Variants in CDH10 observed in about 807,000 individuals in gnomAD.
CDH10 encodes the protein cadherin-10.
Under a neutral mutation model 73.1 loss-of-function variants are expected in CDH10, and 30 were observed. That is an observed-to-expected ratio of 0.41 (90% CI 0.31 to 0.56). The LOEUF is 0.56. Ranked by LOEUF, CDH10 falls within the 20% of genes least tolerant of loss-of-function variation. CDH10 has a pLI of 0.27. For missense variants in CDH10, 815 were observed against 973.7 expected, an observed-to-expected ratio of 0.84 and a Z score of 2.17; for synonymous variants, 345 against 348.2, an observed-to-expected ratio of 0.99 and a Z score of 0.10.
At chr5:24,576,543 C>T (rs1015688903) in intron 2 of CDH10, among the ~76,000 whole-genome samples, 3 of 151,950 alleles carry the variant, frequency 2.0e-5, no homozygotes, top group Admixed American at 6.6e-5. Context: ...TGCTCAAAAC[C>T]CAAAACGATA....
chr5:24,567,495 A>C (rs1745206095), intron 2 of CDH10, among the ~76,000 whole-genome samples: 1 of 151,980 alleles, frequency 6.6e-6, no homozygotes, highest in South Asian at 2.1e-4. Context: ...TTAAAATAAT[A>C]GCATACAAGA....
chr5:24,574,909 C>A (rs1171253268), intron 2 of CDH10, among the ~76,000 whole-genome samples: 1 of 151,632 alleles, frequency 6.6e-6, no homozygotes, highest in African/African-American at 2.4e-5. Context: ...TCAAACCTAA[C>A]CCATGAAAGA....
chr5:24,540,994 A>T (rs1359066335), intron 2 of CDH10, among the ~76,000 whole-genome samples: 1 of 151,770 alleles, frequency 6.6e-6, no homozygotes, highest in African/African-American at 2.4e-5. Flanking sequence ...GATACAACTA[A>T]AAAAAAACCT....
chr5:24,600,227 G>C (rs184626081), intron 1 of CDH10, among the ~76,000 whole-genome samples: 1 of 152,118 alleles, frequency 6.6e-6, no homozygotes, highest in Admixed American at 6.6e-5. Flanking sequence ...TATTAGTTGT[G>C]TAAATCCTTC....
At chr5:24,632,532 G>A (rs941522858) in intron 1 of CDH10, among the ~76,000 whole-genome samples, 1 of 152,038 alleles carries the variant, frequency 6.6e-6, no homozygotes, top group Non-Finnish European at 1.5e-5. Flanking sequence ...TTAATGGGAA[G>A]CAAAGTAATC....
intron 10 of CDH10, 150 bp from the exon 11 acceptor site, chr5:24,491,977 A>G: frequency 1.8e-6 from 1 of 553,500 alleles, no homozygotes; most frequent in Non-Finnish European, 3.2e-6. Context: ...AATGCAATTA[A>G]TATATAGATA....
At chr5:24,566,079 C>T (rs141578782) in intron 2 of CDH10, among the ~76,000 whole-genome samples, 2,194 of 152,206 alleles carry the variant, frequency 0.014, 57 homozygotes, top group African/African-American at 0.05. Flanking sequence ...GACAGAGTCT[C>T]ACCCTCTTGC....
chr5:24,511,525 TA>T lies in CDH10; in HGVS notation c.815-12del. The T allele has an allele frequency of 7.9e-7, 1 of 1,270,812 alleles. No homozygotes were observed. Among genetic ancestry groups the T allele is most frequent in the Non-Finnish European group, 1.1e-6 (1 of 896,998 alleles). 78.7% of individuals were successfully genotyped at this position (1,270,812 alleles called of 1,614,324 possible). The stretch of plus-strand genomic sequence containing the variant: ...GAAGATGAATAGTGTCTGTAAAGTA[TA>T]AAGAAAAGAAGAGAGAGACAGAGAG... On this transcript the variant is annotated splice_polypyrimidine_tract_variant and intron_variant, in intron 5 of 11. Transcript: ENST00000264463.
chr5:24,523,667 T>C (rs1743421768), intron 5 of CDH10, among the ~76,000 whole-genome samples: 1 of 152,168 alleles, frequency 6.6e-6, no homozygotes, highest in Admixed American at 6.6e-5. Context: ...ATATGTCTGC[T>C]TTAAACTTGC....
chr5:24,597,572 A>G (rs544281036), intron 1 of CDH10, among the ~76,000 whole-genome samples: 88 of 152,122 alleles, frequency 5.8e-4, no homozygotes, highest in African/African-American at 2.1e-3. Flanking sequence ...GCTACAGTAG[A>G]TAGGATAGCA....
rs1743218448 is a variant in CDH10, at chr5:24,519,117, CT to C, written c.815-7604del. Among the ~76,000 whole-genome samples, 13 of 151,966 alleles carry C rather than the reference CT, an allele frequency of 8.6e-5. No homozygotes were observed. In the South Asian group the frequency reaches 2.7e-3, roughly 32 times the overall value. ...TGTTACCCAGGCTGGTCTCAAATTC[CT>C]GGCCTCAAGAGATCCACCTGCCTCA... On this transcript the variant is annotated intron_variant, in intron 5 of 11. Transcript: ENST00000264463.
chr5:24,572,935 G>GAAAAAAAAAA (rs55946839), intron 2 of CDH10, among the ~76,000 whole-genome samples: 14 of 72,098 alleles, frequency 1.9e-4, no homozygotes, highest in South Asian at 4.9e-4. Flanking sequence ...CTTAGAAAAA[G>GAAAAAAAAAA]AAAAAAAAAA....
chr5:24,535,792 T>C lies in CDH10; in HGVS notation c.557A>G (p.Asp186Gly). 6.2e-7 allele frequency: 1 copy of C among 1,610,236 alleles called. No homozygotes were observed. The highest frequency in any genetic ancestry group is 8.5e-7 in the Non-Finnish European group (1 of 1,177,240). ...GTTCCCATATGAAGGGTCATCGGCA[T>C]CTGTAGCTGTGACTTGCACCACAGA... Reference protein sequence around the residue: ...GTSVVQVTATDADDPSYGNSA... With the variant: ...GTSVVQVTATGADDPSYGNSA... Residue 186 changes from aspartate to glycine, a missense_variant, in exon 4 of 12, where the codon GAT becomes GGT. Physicochemically the swap from Asp to Gly is moderately conservative, Grantham distance 94. This residue lies in a region of CDH10 where 516 missense variants were observed against 636.6 expected (regional missense o/e 0.81). Transcript: ENST00000264463.
chr5:24,558,556 A>G (rs1464307721), intron 2 of CDH10, among the ~76,000 whole-genome samples: 12 of 151,750 alleles, frequency 7.9e-5, no homozygotes, highest in Admixed American at 7.9e-4. Flanking sequence ...CATACTTTAT[A>G]TAGAATACTG....
intron 2 of CDH10, among the ~76,000 whole-genome samples, chr5:24,584,445 C>CTTTTTTTTTTTTTTTTTTTTTTTTTT: frequency 3.6e-5 from 1 of 28,080 alleles, no homozygotes; most frequent in African/African-American, 8.9e-5. Flanking sequence ...CTTTCTTTTC[C>CTTTTTTTTTTTTTTTTTTTTTTTTTT]TTTTTTTTTT....
intron 2 of CDH10, among the ~76,000 whole-genome samples, chr5:24,563,775 C>CAAAAA (rs56666966): frequency 3.1e-5 from 4 of 128,774 alleles, no homozygotes; most frequent in African/African-American, 1.2e-4. Context: ...CCCCCTCCAC[C>CAAAAA]AAAAAAAAAA....
intron 2 of CDH10, 99 bp downstream of exon 2, chr5:24,593,161 T>C: frequency 1.5e-6 from 1 of 687,086 alleles, no homozygotes; most frequent in Non-Finnish European, 2.5e-6. Context: ...ATTTAAAGAA[T>C]CAGATTTATA....
At chr5:24,611,069 T>A (rs953716704) in intron 1 of CDH10, among the ~76,000 whole-genome samples, 2 of 152,188 alleles carry the variant, frequency 1.3e-5, no homozygotes, top group African/African-American at 4.8e-5. Context: ...AGGAAAGGAC[T>A]ATTTATTCCT....
chr5:24,560,214 G>A (rs201377883), intron 2 of CDH10, among the ~76,000 whole-genome samples: 44,687 of 141,832 alleles, frequency 0.32, 6,789 homozygotes, highest in African/African-American at 0.36. Flanking sequence ...GTGTGTGTGT[G>A]TGTGTGTGTG....
Sources: gnomAD v4.1 joint callset for allele counts (sites outside exome capture counted in the v4.1 genomes callset) on GRCh38, gnomAD v4.1.1 for gene constraint, gnomAD v4.1.1 regional missense constraint, MANE v1.5 for transcripts, NCBI Gene and HGNC (gene_info 2026-07-23, HGNC 2026-07-21) for gene names.